The following PALLD variants were observed in gnomAD, a reference collection of about 807,000 sequenced individuals.
PALLD encodes the protein palladin, cytoskeletal associated protein, also known as palladin.
In PALLD, 61 loss-of-function variants were observed where a neutral mutation model predicts 123.5. That is an observed-to-expected ratio of 0.49 (90% CI 0.40 to 0.61). The LOEUF is 0.61. Ranked by LOEUF, PALLD falls within the 20% of genes least tolerant of loss-of-function variation. The pLI is 0.00. For synonymous variants in PALLD, 465 were observed against 496.4 expected (o/e 0.94, Z 0.84); for missense variants, 1,273 against 1,377.0 (o/e 0.92, Z 1.20).
chr4:168,783,044 A>G (rs534762354), intron 10 of PALLD, among the ~76,000 whole-genome samples: 245 of 82,294 alleles, frequency 3.0e-3, no homozygotes, highest in African/African-American at 5.5e-3. Flanking sequence ...TTTTATATAT[A>G]TATGTGTGTG....
At chr4:168,619,748 A>T (rs1774573453) in intron 2 of PALLD, among the ~76,000 whole-genome samples, 1 of 152,142 alleles carries the variant, frequency 6.6e-6, no homozygotes, top group Admixed American at 6.5e-5. Context: ...CGAGGCTTGG[A>T]CTGACACTTC....
chr4:168,621,058 C>T (rs1774718546), intron 2 of PALLD, among the ~76,000 whole-genome samples: 1 of 152,182 alleles, frequency 6.6e-6, no homozygotes, highest in Non-Finnish European at 1.5e-5. Context: ...ATCTGATGCA[C>T]ACAACTTGAA....
chr4:168,603,572 T>A (rs1169863139), intron 2 of PALLD, among the ~76,000 whole-genome samples: 1 of 152,212 alleles, frequency 6.6e-6, no homozygotes, highest in Non-Finnish European at 1.5e-5. Context: ...GCTGCTTAAA[T>A]GTGTTCATTA....
intron 2 of PALLD, among the ~76,000 whole-genome samples, chr4:168,548,317 G>A: frequency 1.4e-5 from 2 of 147,048 alleles, no homozygotes; most frequent in South Asian, 2.2e-4. Flanking sequence ...ATGAAAAAAG[G>A]AAAAGAGATC....
Position 168,755,102 on chromosome 4 carries a change from G to A in PALLD, c.1964+43179G>A, listed in dbSNP as rs183045390. ...AAAAAAATTAGCCAGGCGTGGTGGC[G>A]GGCGCCTGTAGTCTCAGCTACTTGG... On this transcript the variant is annotated intron_variant, in intron 10 of 21. Coordinates refer to ENST00000505667, the MANE Select transcript of PALLD (RefSeq NM_001166108.2). Among the ~76,000 whole-genome samples the A allele has an allele frequency of 8.0e-3, 1,213 of 152,070 alleles. 17 individuals are homozygous for A. Among genetic ancestry groups the A allele is most frequent in the Middle Eastern group, 0.027 (8 of 294 alleles).
chr4:168,700,727 G>T (rs1783593245), intron 8 of PALLD: 1 of 152,100 alleles, frequency 6.6e-6, no homozygotes, highest in Admixed American at 6.5e-5. Context: ...TATTTAGCAG[G>T]GTGAGGTGGC....
intron 2 of PALLD, among the ~76,000 whole-genome samples, chr4:168,618,856 C>T (rs753764719): frequency 2.5e-4 from 38 of 152,188 alleles, no homozygotes; most frequent in Non-Finnish European, 4.9e-4. Flanking sequence ...CTGGCGTCAC[C>T]GATTAGGTCC....
intron 10 of PALLD, among the ~76,000 whole-genome samples, chr4:168,811,766 T>TCACACA (rs1395576537): frequency 4.3e-4 from 41 of 94,396 alleles, no homozygotes; most frequent in African/African-American, 1.8e-3. Context: ...TTTCTCTCTC[T>TCACACA]CTCTCTCTCT....
intron 1 of PALLD, among the ~76,000 whole-genome samples, chr4:168,503,218 T>C (rs1037766287): frequency 6.6e-6 from 1 of 152,224 alleles, no homozygotes; most frequent in African/African-American, 2.4e-5. Context: ...TAATTTAATA[T>C]GATGACTGCT....
chr4:168,571,392 T>C (rs193088918), intron 2 of PALLD, among the ~76,000 whole-genome samples: 1 of 152,314 alleles, frequency 6.6e-6, no homozygotes, highest in South Asian at 2.1e-4. Flanking sequence ...CAAATTTATC[T>C]GCTTTGATAG....
At chr4:168,882,006 G>A (rs1752676622) in intron 10 of PALLD, among the ~76,000 whole-genome samples, 1 of 152,184 alleles carries the variant, frequency 6.6e-6, no homozygotes. Context: ...CTTGGAATCT[G>A]TGCTCATAAG....
chr4:168,639,116 G>A (rs924245224), intron 2 of PALLD, among the ~76,000 whole-genome samples: 2 of 152,158 alleles, frequency 1.3e-5, no homozygotes, highest in Non-Finnish European at 2.9e-5. Context: ...CATGTTTACT[G>A]TGTTTCCTTT....
intron 2 of PALLD, among the ~76,000 whole-genome samples, chr4:168,618,846 C>G (rs750184441): frequency 5.9e-5 from 9 of 152,232 alleles, no homozygotes; most frequent in Non-Finnish European, 1.0e-4. Flanking sequence ...CAGCTCCTCA[C>G]TGGCGTCACC....
chr4:168,834,540 C>T (rs1221725644), intron 10 of PALLD, among the ~76,000 whole-genome samples: 4 of 152,092 alleles, frequency 2.6e-5, no homozygotes, highest in African/African-American at 7.2e-5. Flanking sequence ...AGTTCGAGAC[C>T]AGCCTGACCA....
rs1762782014 is a variant in PALLD, at chr4:168,928,094, C to T, written c.*1914C>T. 1 of 194,932 alleles carries T rather than the reference C, an allele frequency of 5.1e-6. No individual in the cohort carries two copies. The highest frequency in any genetic ancestry group is 1.1e-5 in the Non-Finnish European group (1 of 93,424). The allele number at this position is 194,932 out of a possible 1,614,324, so 12.1% of individuals were successfully genotyped here. A position where few individuals can be genotyped will look rare whatever the true frequency, so the allele number is the denominator to read the frequency against. On this transcript the variant is annotated 3_prime_UTR_variant, in exon 22 of 22. Coordinates refer to ENST00000505667, the MANE Select transcript of PALLD (RefSeq NM_001166108.2). Reference sequence around the variant, plus strand: ...GGTTTAAGTGATTAATAGGCTTGAGCACCGGGTGGCAGATGTTCTATGCAG... The same window carrying T: ...GGTTTAAGTGATTAATAGGCTTGAGTACCGGGTGGCAGATGTTCTATGCAG...
chr4:168,527,672 A>C (rs1764201852), intron 2 of PALLD, among the ~76,000 whole-genome samples: 1 of 152,128 alleles, frequency 6.6e-6, no homozygotes, highest in South Asian at 2.1e-4. Context: ...CTTTTGCTCC[A>C]TTATCCTCTG....
intron 10 of PALLD, among the ~76,000 whole-genome samples, chr4:168,880,235 G>C (rs1447098783): frequency 1.3e-5 from 2 of 152,208 alleles, no homozygotes; most frequent in Non-Finnish European, 2.9e-5. Context: ...ATCTATCACA[G>C]TGACTCATTT....
rs373401023 is a variant in PALLD, at chr4:168,521,393, T to C, written c.908+8981T>C. 5.3e-5 allele frequency among the ~76,000 whole-genome samples: 8 copies of C among 152,254 alleles called. No homozygotes were observed. In the East Asian group the frequency reaches 1.4e-3, roughly 26 times the overall value. The stretch of plus-strand genomic sequence containing the variant: ...TTCTGTGCCTCAGTTTCTTTGTTGG[T>C]AAAATGGAAATAATAGAAGTACCCA... On this transcript the variant is annotated intron_variant, in intron 2 of 21. Transcript: ENST00000505667.
chr4:168,582,272 T>C (rs974986515), intron 2 of PALLD, among the ~76,000 whole-genome samples: 1 of 152,196 alleles, frequency 6.6e-6, no homozygotes, highest in African/African-American at 2.4e-5. Flanking sequence ...CTTTTTCATA[T>C]AGTTCATTGT....
Sources: allele counts gnomAD v4.1 joint callset (sites outside exome capture counted in the v4.1 genomes callset), GRCh38; gene constraint gnomAD v4.1.1; transcripts MANE v1.5; gene names NCBI Gene and HGNC (gene_info 2026-07-23, HGNC 2026-07-21).